The following PDZRN4 variants were observed in gnomAD, a reference collection of about 807,000 sequenced individuals.
PDZRN4 encodes PDZ domain containing ring finger 4.
Under a neutral mutation model 99.0 loss-of-function variants are expected in PDZRN4, and 70 were observed. That is an observed-to-expected ratio of 0.71 (90% CI 0.58 to 0.86). The LOEUF (loss-of-function observed/expected upper bound fraction) is 0.86. PDZRN4 is among the 40% of genes least tolerant of loss of function. PDZRN4 has a pLI of 0.00. For missense variants in PDZRN4, 1,474 were observed against 1,331.2 expected (o/e 1.11, Z -1.67); for synonymous variants, 551 against 501.6 (o/e 1.10, Z -1.32).
chr12:41,264,345 T>A (rs1352169908), intron 3 of PDZRN4, among the ~76,000 whole-genome samples: 1 of 152,176 alleles, frequency 6.6e-6, no homozygotes, highest in East Asian at 1.9e-4. Context: ...ATCATACCAA[T>A]AGTAGTTAGA....
At chr12:41,218,206 G>A (rs970543388) in intron 3 of PDZRN4, among the ~76,000 whole-genome samples, 3 of 152,060 alleles carry the variant, frequency 2.0e-5, no homozygotes, top group Non-Finnish European at 4.4e-5. Flanking sequence ...CCTTTTGTCT[G>A]TTATATGACT....
intron 3 of PDZRN4, chr12:41,412,568 T>C (rs920948337): frequency 1.3e-5 from 2 of 152,054 alleles, no homozygotes; most frequent in African/African-American, 2.4e-5. Flanking sequence ...AAATACTCAG[T>C]AAACAAACAA....
intron 4 of PDZRN4, among the ~76,000 whole-genome samples, chr12:41,506,920 C>A (rs1292298480): frequency 6.6e-6 from 1 of 152,078 alleles, no homozygotes; most frequent in Non-Finnish European, 1.5e-5. Flanking sequence ...CATGGTTGCT[C>A]CACCTGGGTA....
intron 5 of PDZRN4, among the ~76,000 whole-genome samples, chr12:41,520,455 A>G (rs867750739): frequency 6.6e-6 from 1 of 152,142 alleles, no homozygotes; most frequent in Non-Finnish European, 1.5e-5. Context: ...GCTAAAGCAT[A>G]AATCTCGAAA....
intron 3 of PDZRN4, among the ~76,000 whole-genome samples, chr12:41,491,543 T>A (rs1354506448): frequency 1.3e-5 from 2 of 151,862 alleles, no homozygotes; most frequent in African/African-American, 4.8e-5. Context: ...AACAAAAAAA[T>A]AAAAAACAAA....
At chr12:41,564,021 C>G (rs1320461828) in intron 8 of PDZRN4, among the ~76,000 whole-genome samples, 1 of 152,144 alleles carries the variant, frequency 6.6e-6, no homozygotes, top group African/African-American at 2.4e-5. Flanking sequence ...AATAAATACT[C>G]AAATGAAAAA....
chr12:41,408,475 C>G (rs555989725), intron 3 of PDZRN4, among the ~76,000 whole-genome samples: 1 of 152,208 alleles, frequency 6.6e-6, no homozygotes, highest in East Asian at 1.9e-4. Context: ...ATTAAAACAT[C>G]ATCATTTTCA....
Position 41,506,635 on chromosome 12 carries a change from A to G in PDZRN4, c.1023A>G (p.Glu341=). 6.2e-7 allele frequency: 1 copy of G among 1,613,898 alleles called. No homozygotes were observed. Among genetic ancestry groups the G allele is most frequent in the Non-Finnish European group, 8.5e-7 (1 of 1,179,858 alleles). ...NASTQTDITF[E]HIMALAKLRP... ...GCACTCAGACGGACATCACCTTCGA[A>G]CACATCATGGCTCTGGCCAAGCTTC... The change falls in exon 4 of 10, where the codon GAA becomes GAG. Residue 341 remains glutamate (E), a synonymous_variant. Transcript: ENST00000402685.
intron 3 of PDZRN4, among the ~76,000 whole-genome samples, chr12:41,373,308 C>T (rs1249936617): frequency 1.3e-5 from 2 of 152,134 alleles, no homozygotes; most frequent in African/African-American, 4.8e-5. Context: ...CCGGTCTGAC[C>T]AAAATTATTG....
chr12:41,403,752 A>G (rs1172958261), intron 3 of PDZRN4, among the ~76,000 whole-genome samples: 1 of 152,216 alleles, frequency 6.6e-6, no homozygotes. Flanking sequence ...GGTAAATTTT[A>G]TTCAATACTA....
intron 3 of PDZRN4, among the ~76,000 whole-genome samples, chr12:41,216,134 C>CAA (rs1440762041): frequency 6.6e-6 from 1 of 151,928 alleles, no homozygotes; most frequent in African/African-American, 2.4e-5. Context: ...AGGTGACATC[C>CAA]ATTTCCATAG....
intron 7 of PDZRN4, 115 bp downstream of exon 7, chr12:41,555,875 ATCT>A: frequency 1.2e-6 from 1 of 855,740 alleles, no homozygotes; most frequent in Non-Finnish European, 1.9e-6. Flanking sequence ...GGATACTAAC[ATCT>A]ACAAAACCAA....
chr12:41,492,338 C>T (rs950875173), intron 3 of PDZRN4, among the ~76,000 whole-genome samples: 1 of 152,074 alleles, frequency 6.6e-6, no homozygotes, highest in Non-Finnish European at 1.5e-5. Flanking sequence ...CACATGACTG[C>T]CTCCCGTTAG....
intron 3 of PDZRN4, among the ~76,000 whole-genome samples, chr12:41,268,578 G>T (rs1951294691): frequency 6.6e-6 from 1 of 152,088 alleles, no homozygotes; most frequent in Non-Finnish European, 1.5e-5. Flanking sequence ...CGAAAAACTT[G>T]ACTTTTTCCC....
intron 4 of PDZRN4, among the ~76,000 whole-genome samples, chr12:41,508,491 GC>G (rs1176104816): frequency 1.3e-5 from 2 of 152,106 alleles, no homozygotes; most frequent in Non-Finnish European, 2.9e-5. Flanking sequence ...CTTGCATCTG[GC>G]AGCCACTAAA....
chr12:41,538,217 C>CTTGATAA (rs1286627693), intron 5 of PDZRN4, among the ~76,000 whole-genome samples: 1 of 152,016 alleles, frequency 6.6e-6, no homozygotes, highest in African/African-American at 2.4e-5. Context: ...AAGTAACCAT[C>CTTGATAA]TTGATAATAA....
At chr12:41,500,422 T>C (rs1464119824) in intron 3 of PDZRN4, among the ~76,000 whole-genome samples, 1 of 152,016 alleles carries the variant, frequency 6.6e-6, no homozygotes, top group Admixed American at 6.6e-5. Flanking sequence ...ATCACCATAT[T>C]CTCTTCCAAA....
At chr12:41,498,064 A>C (rs1307273625) in intron 3 of PDZRN4, among the ~76,000 whole-genome samples, 1 of 152,046 alleles carries the variant, frequency 6.6e-6, no homozygotes, top group Non-Finnish European at 1.5e-5. Flanking sequence ...AAAATTCTCA[A>C]ATATAATTCA....
intron 3 of PDZRN4, among the ~76,000 whole-genome samples, chr12:41,266,909 C>T (rs1951281061): frequency 6.6e-6 from 1 of 152,080 alleles, no homozygotes; most frequent in Non-Finnish European, 1.5e-5. Flanking sequence ...ATACTCTTTC[C>T]AATTTTTTCA....
Sources: gnomAD v4.1 joint callset for allele counts (sites outside exome capture counted in the v4.1 genomes callset) on GRCh38, gnomAD v4.1.1 for gene constraint, MANE v1.5 for transcripts, NCBI Gene and HGNC (gene_info 2026-07-23, HGNC 2026-07-21) for gene names.